The following TRIP11 variants were observed in gnomAD, a reference collection of about 807,000 sequenced individuals.
TRIP11 encodes thyroid receptor-interacting protein 11.
A neutral mutation model predicts 223.1 loss-of-function variants in TRIP11; 148 were observed. The observed-to-expected ratio is 0.66, with a 90% CI of 0.58 to 0.76. The LOEUF is 0.76. Among genes scored for constraint, TRIP11 ranks in the 30% least tolerant of loss-of-function variants. The probability of loss-of-function intolerance (pLI) is 0.00; values close to 1 mark genes in which losing one functional copy is unlikely to be tolerated. For synonymous variants in TRIP11, 762 were observed against 772.6 expected (o/e 0.99, Z 0.23); for missense variants, 2,043 against 2,222.0 (o/e 0.92, Z 1.62).
intron 13 of TRIP11, 104 bp from the exon 14 acceptor site, chr14:91,995,619 CTTTT>C (rs34736578): frequency 5.8e-5 from 53 of 913,430 alleles, no homozygotes; most frequent in East Asian, 7.1e-5. Context: ...TATTTTATTT[CTTTT>C]TTTTTTTTTT....
intron 20 of TRIP11, 39 bp from the exon 21 acceptor site, chr14:91,969,932 C>A: frequency 6.4e-7 from 1 of 1,571,068 alleles, no homozygotes; most frequent in Non-Finnish European, 8.7e-7. Flanking sequence ...CTATCTTTCA[C>A]AAAGAAGTCA....
chr14:91,998,684 T>C, intron 13 of TRIP11, among the ~76,000 whole-genome samples: 1 of 142,016 alleles, frequency 7.0e-6, no homozygotes, highest in South Asian at 2.3e-4. Context: ...TATAACCTTT[T>C]TACAACTAAA....
chr14:91,992,280 A>G (rs1375022665), intron 15 of TRIP11, among the ~76,000 whole-genome samples: 1 of 152,006 alleles, frequency 6.6e-6, no homozygotes, highest in African/African-American at 2.4e-5. Context: ...AGGAAGTAAT[A>G]AACATAACAT....
intron 11 of TRIP11, 97 bp downstream of exon 11, chr14:92,003,322 T>A: frequency 6.7e-7 from 1 of 1,489,130 alleles, no homozygotes; most frequent in South Asian, 1.2e-5. Context: ...AATGAACAAA[T>A]GCACAGTCCC....
intron 9 of TRIP11, 98 bp from the exon 10 acceptor site, chr14:92,007,950 G>C (rs1251280969): frequency 3.4e-6 from 3 of 891,964 alleles, no homozygotes; most frequent in African/African-American, 3.3e-5. Flanking sequence ...TTCTATTTAA[G>C]TGCTCTATAT....
chr14:92,009,867 C>T (rs889955426), intron 9 of TRIP11, among the ~76,000 whole-genome samples: 3 of 152,110 alleles, frequency 2.0e-5, no homozygotes, highest in African/African-American at 7.2e-5. Flanking sequence ...CAGAAAGAAA[C>T]ACTAGAAATT....
At chr14:92,022,606 T>C (rs2057128876) in intron 3 of TRIP11, among the ~76,000 whole-genome samples, 1 of 152,110 alleles carries the variant, frequency 6.6e-6, no homozygotes, top group Non-Finnish European at 1.5e-5. Context: ...AAATGCCACA[T>C]CCATTCTTGT....
At position 91,968,789 on chromosome 14, in the gene TRIP11, A is replaced by C. The variant is rs371281137; in HGVS notation, c.*884T>G. ...GGGTATATATTGATTCCATTTATAT[A>C]ACATTCTCAAAATAACAAAATGACT... On this transcript the variant is annotated 3_prime_UTR_variant, in exon 21 of 21. Coordinates refer to ENST00000267622, the MANE Select transcript of TRIP11 (RefSeq NM_004239.4). 10 of 231,372 alleles carry C rather than the reference A, an allele frequency of 4.3e-5. No homozygotes were observed. Among genetic ancestry groups the C allele is most frequent in the Middle Eastern group, 1.3e-3 (1 of 788 alleles). The allele number at this position is 231,372 out of a possible 1,614,324, so 14.3% of individuals were successfully genotyped here.
In TRIP11 at chr14:92,003,848, C is replaced by A. The variant is rs373454645; in HGVS notation, c.4128G>T (p.Ser1376=). The A allele has an allele frequency of 6.4e-5, 104 of 1,613,886 alleles. No homozygotes were observed. The highest frequency in any genetic ancestry group is 2.8e-5 in the Non-Finnish European group (33 of 1,180,032). ...LQENNHRLSD[S]IAATSELERK... ...TTTCTAGCTCTGAGGTGGCAGCAAT[C>A]GAATCAGACAATCTGTGGTTATTTT... The change falls in exon 11 of 21, where the codon TCG becomes TCT. Residue 1376 remains serine, a synonymous_variant. Coordinates refer to ENST00000267622, the MANE Select transcript of TRIP11 (RefSeq NM_004239.4).
At chr14:92,034,214 G>A (rs1047452143) in intron 1 of TRIP11, among the ~76,000 whole-genome samples, 3 of 151,966 alleles carry the variant, frequency 2.0e-5, no homozygotes, top group Non-Finnish European at 4.4e-5. Context: ...ACGTGAGATC[G>A]GGAGTTTGAG....
intron 16 of TRIP11, among the ~76,000 whole-genome samples, chr14:91,984,317 C>CT (rs138601782): frequency 0.041 from 5,281 of 127,844 alleles, 280 homozygotes; most frequent in East Asian, 0.12. Flanking sequence ...TTTTTCTTTT[C>CT]TTTTTTTTTT....
chr14:91,997,696 AAGTG>A (rs1201917553), intron 13 of TRIP11, among the ~76,000 whole-genome samples: 1 of 152,128 alleles, frequency 6.6e-6, no homozygotes, highest in East Asian at 1.9e-4. Flanking sequence ...GGCTCTGAGA[AAGTG>A]AGTAATACAG....
chr14:92,026,846 G>A (rs1218017804), intron 2 of TRIP11: 48 of 1,487,162 alleles, frequency 3.2e-5, no homozygotes, highest in South Asian at 1.4e-4. Flanking sequence ...TGAGGATGAC[G>A]ATGTTGATAC....
Position 92,004,427 on chromosome 14 carries a change from T to A in TRIP11, c.3549A>T (p.Leu1183Phe). The part of the protein sequence containing the change: ...IDALSQKCQT[L>F]LAVLQTSSTG... ...TGCTGGATGTTTGTAAAACTGCCAA[T>A]AAAGTCTGACATTTCTGACTTAGTG... The change falls in exon 11 of 21, where the codon TTA becomes TTT. Residue 1183 changes from leucine to phenylalanine, a missense_variant. Coordinates refer to ENST00000267622, the MANE Select transcript of TRIP11 (RefSeq NM_004239.4). 1 of 1,614,008 alleles carries A rather than the reference T, an allele frequency of 6.2e-7. No individual in the cohort carries two copies. The highest frequency in any genetic ancestry group is 8.5e-7 in the Non-Finnish European group (1 of 1,180,026).
chr14:91,969,580 C>T lies in TRIP11; in HGVS notation c.*93G>A. ...AGCATAATTGCGAACAAATACATGA[C>T]TTTCTCCCCAAAGGCCACTTTGTGA... On this transcript the variant is annotated 3_prime_UTR_variant, in exon 21 of 21. Coordinates refer to ENST00000267622, the MANE Select transcript of TRIP11 (RefSeq NM_004239.4). 1 of 1,265,036 alleles carries T rather than the reference C, an allele frequency of 7.9e-7. No individual in the cohort carries two copies. The highest frequency in any genetic ancestry group is 1.2e-6 in the Non-Finnish European group (1 of 868,292). The allele number at this position is 1,265,036 out of a possible 1,614,324, so 78.4% of individuals were successfully genotyped here.
Position 91,974,661 on chromosome 14 carries a change from G to A in TRIP11, c.5540C>T (p.Pro1847Leu), listed in dbSNP as rs762240075. 5.0e-6 allele frequency: 8 copies of A among 1,612,452 alleles called. No homozygotes were observed. The highest frequency in any genetic ancestry group is 6.8e-6 in the Non-Finnish European group (8 of 1,179,932). ...CACAGATTGCTGATTTGGTCTCAAA[G>A]GTGTGTTGGGAACACTTTTTGATCC... ...GGGSKSVPNTPLRPNQQSVVN... is the reference protein window; with the variant it reads ...GGGSKSVPNTLLRPNQQSVVN... The change falls in exon 19 of 21, where the codon CCT (proline) becomes CTT (leucine). Residue 1847 changes from proline (P) to leucine (L), a missense_variant. Transcript: ENST00000267622.
chr14:92,025,485 AGCATTATGAAAAAC>A, intron 2 of TRIP11, 65 bp from the exon 3 acceptor site: 1 of 1,171,754 alleles, frequency 8.5e-7, no homozygotes, highest in Non-Finnish European at 1.2e-6. Context: ...TTATGTGCAC[AGCATTATGAAAAAC>A]GTACTGCTTT....
rs1252830893 is a variant in TRIP11, at chr14:92,040,017, A to G, written c.-332T>C. On this transcript the variant is annotated 5_prime_UTR_variant, in exon 1 of 21. Coordinates refer to ENST00000267622, the MANE Select transcript of TRIP11 (RefSeq NM_004239.4). ...TCCGTGGGTTACTCCTGCCAACTCG[A>G]CGCCGGCCGCCATGACACTCGCTCG... The G allele has an allele frequency of 2.1e-5, 9 of 421,346 alleles. No homozygotes were observed. Among genetic ancestry groups the G allele is most frequent in the Non-Finnish European group, 4.0e-5 (9 of 225,580 alleles). The allele number at this position is 421,346 out of a possible 1,614,324, so 26.1% of individuals were successfully genotyped here.
At chr14:91,986,678 G>C (rs956583225) in intron 16 of TRIP11, among the ~76,000 whole-genome samples, 17 of 152,162 alleles carry the variant, frequency 1.1e-4, no homozygotes, top group Admixed American at 1.0e-3. Context: ...GCAATGAGCT[G>C]GTTCACAACA....
Sources: gnomAD v4.1 joint callset for allele counts (sites outside exome capture counted in the v4.1 genomes callset) on GRCh38, gnomAD v4.1.1 for gene constraint, MANE v1.5 for transcripts, NCBI Gene and HGNC (gene_info 2026-07-23, HGNC 2026-07-21) for gene names.